BMPR1A: variants seen among roughly 807,000 people sequenced by gnomAD.
BMPR1A encodes bone morphogenetic protein receptor type-1A.
BMPR1A carries 7 observed loss-of-function variants against 66.0 expected under a neutral mutation model. That is an observed-to-expected ratio of 0.11 (90% CI 0.06 to 0.20). BMPR1A has a LOEUF of 0.20. Ranked by LOEUF, BMPR1A falls within the 10% of genes least tolerant of loss-of-function variation. BMPR1A has a pLI of 1.00. For missense variants in BMPR1A, 408 were observed against 669.1 expected (o/e 0.61, Z 4.31); for synonymous variants, 200 against 229.7 (o/e 0.87, Z 1.17).
intron 10 of BMPR1A, 142 bp downstream of exon 10, chr10:86,919,611 T>C: frequency 8.6e-7 from 1 of 1,169,314 alleles, no homozygotes; most frequent in Non-Finnish European, 1.2e-6. Context: ...GGGGGGATTT[T>C]GTTCTTTTTA....
At chr10:86,911,232 C>G (rs547289946) in intron 7 of BMPR1A, among the ~76,000 whole-genome samples, 1 of 148,512 alleles carries the variant, frequency 6.7e-6, no homozygotes, top group African/African-American at 2.5e-5. Context: ...TCTTAAGAGA[C>G]AAAAGCATGT....
chr10:86,816,189 C>T (rs1365592688), intron 1 of BMPR1A, among the ~76,000 whole-genome samples: 1 of 151,960 alleles, frequency 6.6e-6, no homozygotes, highest in Admixed American at 6.6e-5. Flanking sequence ...TGTGGCTAGT[C>T]CTAATTAAGA....
intron 2 of BMPR1A, among the ~76,000 whole-genome samples, chr10:86,856,724 G>A (rs922048149): frequency 4.6e-5 from 7 of 152,140 alleles, no homozygotes; most frequent in Non-Finnish European, 7.4e-5. Context: ...AAACTCCACA[G>A]GTTTAAGGGT....
At chr10:86,782,905 T>C (rs568765765) in intron 1 of BMPR1A, among the ~76,000 whole-genome samples, 1 of 152,342 alleles carries the variant, frequency 6.6e-6, no homozygotes, top group African/African-American at 2.4e-5. Context: ...TATTTTTGCC[T>C]TTGTTGCCTG....
intron 2 of BMPR1A, among the ~76,000 whole-genome samples, chr10:86,843,252 C>A (rs1312886575): frequency 6.6e-6 from 1 of 152,118 alleles, no homozygotes; most frequent in Non-Finnish European, 1.5e-5. Context: ...ATATTTTTGG[C>A]CCTTTCTCTC....
intron 1 of BMPR1A, among the ~76,000 whole-genome samples, chr10:86,836,882 G>A (rs1316584547): frequency 6.6e-6 from 1 of 152,152 alleles, no homozygotes; most frequent in Non-Finnish European, 1.5e-5. Context: ...GCAGTGAGCT[G>A]TGATTGTGCC....
intron 7 of BMPR1A, among the ~76,000 whole-genome samples, chr10:86,911,792 GA>G (rs950642022): frequency 4.1e-5 from 6 of 146,110 alleles, no homozygotes; most frequent in East Asian, 2.0e-4. Flanking sequence ...GCAGTTCACA[GA>G]AAAAAAAAAG....
At chr10:86,865,844 C>T (rs1482125985) in intron 2 of BMPR1A, among the ~76,000 whole-genome samples, 3 of 152,170 alleles carry the variant, frequency 2.0e-5, no homozygotes, top group African/African-American at 4.8e-5. Context: ...TTTTTAGATC[C>T]TCTTAGGAGG....
chr10:86,834,359 A>G (rs1779943226), intron 1 of BMPR1A, among the ~76,000 whole-genome samples: 1 of 152,190 alleles, frequency 6.6e-6, no homozygotes. Context: ...TTACTATTCA[A>G]TACTTCACAA....
In BMPR1A at chr10:86,841,923, G is replaced by A. The variant is rs148856198; in HGVS notation, c.-153+2944G>A. On this transcript the variant is annotated intron_variant, in intron 2 of 12. Coordinates refer to ENST00000372037, the MANE Select transcript of BMPR1A (RefSeq NM_004329.3). ...AGAGAGCTTCTGGATAGCTGAACAT[G>A]TGCAGGCTCTGGTGCCCTGTACATC... Among the ~76,000 whole-genome samples the A allele has an allele frequency of 7.8e-4, 119 of 152,328 alleles. 2 individuals carry two copies. In the East Asian group the frequency reaches 0.021, roughly 27 times the overall value.
intron 1 of BMPR1A, among the ~76,000 whole-genome samples, chr10:86,820,492 C>T (rs1016333966): frequency 3.9e-5 from 6 of 151,972 alleles, no homozygotes; most frequent in South Asian, 2.1e-4. Flanking sequence ...CTGTTTCACA[C>T]GAAGTTTTCC....
At chr10:86,841,694 C>T (rs529303591) in intron 2 of BMPR1A, among the ~76,000 whole-genome samples, 2 of 152,190 alleles carry the variant, frequency 1.3e-5, no homozygotes, top group South Asian at 4.2e-4. Flanking sequence ...GATGACAGCC[C>T]CCTAGGTAGC....
chr10:86,869,050 CCTT>C (rs1458087972), intron 2 of BMPR1A, among the ~76,000 whole-genome samples: 1 of 152,058 alleles, frequency 6.6e-6, no homozygotes, highest in African/African-American at 2.4e-5. Context: ...ATCTGCATCT[CCTT>C]ATATTCTTCA....
chr10:86,757,145 T>TC lies in BMPR1A; in HGVS notation c.-268+229dup, dbSNP rs547582830. Among the ~76,000 whole-genome samples, 55 of 152,008 alleles carry TC rather than the reference T, an allele frequency of 3.6e-4. 2 individuals carry two copies. The South Asian group carries it at 0.011, about 30-fold the overall frequency. On this transcript the variant is annotated intron_variant, in intron 1 of 12. Coordinates refer to ENST00000372037, the MANE Select transcript of BMPR1A (RefSeq NM_004329.3). Reference sequence around the variant, plus strand: ...GTCCCCCGCCGGCCCCTCTTTTGTCTCCCACTCGCGGGTTGCAGGCCGAGT... The same window carrying TC: ...GTCCCCCGCCGGCCCCTCTTTTGTCTCCCCACTCGCGGGTTGCAGGCCGAGT...
At chr10:86,797,157 CAAGTTCA>C (rs1359185790) in intron 1 of BMPR1A, among the ~76,000 whole-genome samples, 1 of 150,112 alleles carries the variant, frequency 6.7e-6, no homozygotes, top group Non-Finnish European at 1.5e-5. Context: ...CTCCGCCTCC[CAAGTTCA>C]AGCAATTCTC....
At chr10:86,823,039 C>T (rs371148029) in intron 1 of BMPR1A, among the ~76,000 whole-genome samples, 96 of 152,192 alleles carry the variant, frequency 6.3e-4, no homozygotes, top group African/African-American at 2.3e-3. Context: ...GCACAGTAAC[C>T]GGCACATAGT....
chr10:86,790,162 CAAAAAAAAAAAAAAAAAAA>C (rs1170317792), intron 1 of BMPR1A, among the ~76,000 whole-genome samples: 9 of 7,222 alleles, frequency 1.2e-3, no homozygotes, highest in African/African-American at 3.6e-3. Context: ...ACTCTGTCTC[CAAAAAAAAAAAAAAAAAAA>C]AAAAAAAATA....
At chr10:86,921,405 A>G in intron 10 of BMPR1A, 115 bp from the exon 11 acceptor site, 5 of 1,351,268 alleles carry the variant, frequency 3.7e-6, no homozygotes, top group Non-Finnish European at 4.1e-6. Context: ...GCTAAATTCC[A>G]CAATGCATCT....
At chr10:86,818,170 C>T (rs1554881597) in intron 1 of BMPR1A, among the ~76,000 whole-genome samples, 1 of 152,150 alleles carries the variant, frequency 6.6e-6, no homozygotes, top group Non-Finnish European at 1.5e-5. Flanking sequence ...AGGCACCTGC[C>T]ACCATGCCTG....
Sources: gnomAD v4.1 joint callset for allele counts (sites outside exome capture counted in the v4.1 genomes callset) on GRCh38, gnomAD v4.1.1 for gene constraint, MANE v1.5 for transcripts, NCBI Gene and HGNC (gene_info 2026-07-23, HGNC 2026-07-21) for gene names.